NLRP11: variants seen among roughly 807,000 people sequenced by gnomAD.
The protein encoded by NLRP11 is NACHT, LRR and PYD domains-containing protein 11.
In NLRP11, 53 loss-of-function variants were observed where a neutral mutation model predicts 79.3. The observed-to-expected ratio is 0.67, with a 90% CI of 0.54 to 0.84. The LOEUF (loss-of-function observed/expected upper bound fraction) is 0.84, where lower values mean the gene tolerates loss of function less well. Among genes scored for constraint, NLRP11 ranks in the 40% least tolerant of loss-of-function variants. NLRP11 has a pLI of 0.00. For synonymous variants in NLRP11, 518 were observed against 462.6 expected, an observed-to-expected ratio of 1.12 and a Z score of -1.54; for missense variants, 1,264 against 1,255.0, an observed-to-expected ratio of 1.01 and a Z score of -0.11.
At chr19:55,816,742 GCT>G (rs1981153254) in intron 2 of NLRP11, among the ~76,000 whole-genome samples, 1 of 152,190 alleles carries the variant, frequency 6.6e-6, no homozygotes, top group South Asian at 2.1e-4. Context: ...CTAGGACAGA[GCT>G]CTCTGCTGGG....
chr19:55,830,278 C>G, intron 1 of NLRP11, among the ~76,000 whole-genome samples: 1 of 152,146 alleles, frequency 6.6e-6, no homozygotes, highest in South Asian at 2.1e-4. Context: ...ACTTCTATTT[C>G]ACCATTGCCT....
At chr19:55,818,219 G>A in exon 2 of NLRP11, 1 of 1,526,064 alleles carries the variant, frequency 6.6e-7, no homozygotes. Flanking sequence ...GGATTTTGAG[G>A]CACAAGAAAT....
chr19:55,813,550 C>G (rs1359659016), intron 2 of NLRP11, among the ~76,000 whole-genome samples: 2 of 152,114 alleles, frequency 1.3e-5, no homozygotes, highest in Non-Finnish European at 2.9e-5. Flanking sequence ...GTCGAGCCAT[C>G]CCAGAAGAGG....
At chr19:55,819,572 A>G (rs1039997641) in intron 1 of NLRP11, among the ~76,000 whole-genome samples, 4 of 152,202 alleles carry the variant, frequency 2.6e-5, no homozygotes, top group African/African-American at 9.7e-5. Context: ...AGATCTGATC[A>G]GATATGAGTG....
At chr19:55,804,273 A>G (rs184922599) in intron 4 of NLRP11, among the ~76,000 whole-genome samples, 1 of 152,344 alleles carries the variant, frequency 6.6e-6, no homozygotes, top group African/African-American at 2.4e-5. Flanking sequence ...GTATATACCC[A>G]AAGGAATACA....
intron 5 of NLRP11, among the ~76,000 whole-genome samples, chr19:55,800,849 T>C (rs1316935334): frequency 2.0e-5 from 3 of 152,124 alleles, no homozygotes; most frequent in Admixed American, 6.6e-5. Context: ...TAATGACATA[T>C]GGATATAATT....
intron 4 of NLRP11, among the ~76,000 whole-genome samples, chr19:55,806,846 T>G (rs1015204992): frequency 2.6e-5 from 4 of 152,106 alleles, no homozygotes; most frequent in Non-Finnish European, 5.9e-5. Context: ...CTCAAAGCCT[T>G]TGTTTCATGG....
chr19:55,791,276 C>T (rs1363092121), intron 7 of NLRP11, among the ~76,000 whole-genome samples: 2 of 151,888 alleles, frequency 1.3e-5, no homozygotes, highest in Non-Finnish European at 2.9e-5. Flanking sequence ...AACTAAGGGC[C>T]ATGAAAAAAA....
intron 1 of NLRP11, among the ~76,000 whole-genome samples, chr19:55,830,426 C>A (rs996752123): frequency 4.6e-5 from 7 of 152,020 alleles, no homozygotes; most frequent in Non-Finnish European, 7.4e-5. Flanking sequence ...GTTGTATGAG[C>A]TTTGCTTGTG....
upstream of NLRP11, among the ~76,000 whole-genome samples, chr19:55,835,763 A>C (rs1427423654): frequency 1.3e-5 from 2 of 149,916 alleles, no homozygotes; most frequent in Non-Finnish European, 1.5e-5. Flanking sequence ...CGGTCAGAAC[A>C]CTTGAGGTCA....
At chr19:55,810,639 G>C (rs1314359918) in intron 2 of NLRP11, among the ~76,000 whole-genome samples, 1 of 152,098 alleles carries the variant, frequency 6.6e-6, no homozygotes, top group East Asian at 1.9e-4. Context: ...TAGGATTACA[G>C]GCGTGCACCA....
At chr19:55,829,361 C>T (rs1173742265) in intron 1 of NLRP11, among the ~76,000 whole-genome samples, 1 of 151,726 alleles carries the variant, frequency 6.6e-6, no homozygotes, top group Non-Finnish European at 1.5e-5. Context: ...TATTATCAAC[C>T]CACTTAAAAA....
At chr19:55,821,212 C>T (rs1600200734) in intron 1 of NLRP11, among the ~76,000 whole-genome samples, 1 of 97,024 alleles carries the variant, frequency 1.0e-5, no homozygotes, top group Non-Finnish European at 1.8e-5. Flanking sequence ...CTCTCACACA[C>T]ACACACACAC....
chr19:55,835,344 T>C (rs555461665), upstream of NLRP11, among the ~76,000 whole-genome samples: 1 of 152,358 alleles, frequency 6.6e-6, no homozygotes, highest in East Asian at 1.9e-4. Context: ...ATCTCGACCT[T>C]GCGTCTAAAA....
Position 55,809,307 on chromosome 19 carries a change from T to C in NLRP11, c.1303A>G (p.Ile435Val). 6.2e-7 allele frequency: 1 copy of C among 1,614,012 alleles called. No individual in the cohort carries two copies. Among genetic ancestry groups the C allele is most frequent in the Non-Finnish European group, 8.5e-7 (1 of 1,179,930 alleles). Residue 435 changes from isoleucine to valine, a missense_variant, in exon 3 of 10, where the codon ATT becomes GTT. Transcript: ENST00000589093. This position sits in a 1 kb window ranked among gnomAD's most constrained non-coding sequence, Gnocchi z 4.5. Reference sequence around the variant, plus strand: ...TTATGAGTGTTGCTCGGCAAAAGAATATTCGCGGCCTGCAACACAGAGACA... The same window carrying C: ...TTATGAGTGTTGCTCGGCAAAAGAACATTCGCGGCCTGCAACACAGAGACA...
At chr19:55,807,877 G>A (rs1306003171) in exon 4 of NLRP11, 4 of 1,612,324 alleles carry the variant, frequency 2.5e-6, no homozygotes, top group East Asian at 2.2e-5. Flanking sequence ...TTTACAGCTA[G>A]AATGCTCCAG....
upstream of NLRP11, among the ~76,000 whole-genome samples, chr19:55,834,422 A>G (rs572793197): frequency 6.6e-6 from 1 of 152,386 alleles, no homozygotes; most frequent in Non-Finnish European, 1.5e-5. Context: ...AGATAAAAGC[A>G]AATGAAAACA....
intron 4 of NLRP11, among the ~76,000 whole-genome samples, chr19:55,802,875 G>A (rs1269674538): frequency 2.0e-5 from 3 of 152,068 alleles, no homozygotes; most frequent in Non-Finnish European, 2.9e-5. Context: ...AACTACAACC[G>A]TCTGATCTTC....
chr19:55,805,840 T>C (rs1355469245), intron 4 of NLRP11, among the ~76,000 whole-genome samples: 1 of 152,118 alleles, frequency 6.6e-6, no homozygotes, highest in Non-Finnish European at 1.5e-5. Context: ...GCACCCGCCC[T>C]AAAAGTCTTC....
Sources: allele counts gnomAD v4.1 joint callset (sites outside exome capture counted in the v4.1 genomes callset), GRCh38; gene constraint gnomAD v4.1.1; non-coding constraint Gnocchi (gnomAD v3.1); transcripts MANE v1.5; gene names NCBI Gene and HGNC (gene_info 2026-07-23, HGNC 2026-07-21).